DENND2D: variants seen among roughly 807,000 people sequenced by gnomAD.
The protein encoded by DENND2D is DENN domain-containing protein 2D.
DENND2D carries 37 observed loss-of-function variants against 59.8 expected under a neutral mutation model. The ratio of observed to expected loss-of-function variants is 0.62; its 90% CI spans 0.48 to 0.81. The LOEUF is 0.81. Ranked by LOEUF, DENND2D falls within the 40% of genes least tolerant of loss-of-function variation. The pLI, the probability that DENND2D is intolerant of heterozygous loss-of-function variation, is 0.00. For missense variants in DENND2D, 525 were observed against 579.7 expected, an observed-to-expected ratio of 0.91 and a Z score of 0.97; for synonymous variants, 219 against 211.3, an observed-to-expected ratio of 1.04 and a Z score of -0.31.
intron 2 of DENND2D, among the ~76,000 whole-genome samples, 184 bp from the exon 3 acceptor site, chr1:111,198,926 T>A (rs2101500130): frequency 6.6e-6 from 1 of 152,312 alleles, no homozygotes; most frequent in Non-Finnish European, 1.5e-5. Flanking sequence ...TGGGTCCAGT[T>A]GGAACAACTC....
At chr1:111,200,362 A>C in intron 1 of DENND2D, 31 bp downstream of exon 1, 4 of 1,604,696 alleles carry the variant, frequency 2.5e-6, no homozygotes, top group Non-Finnish European at 3.4e-6. Flanking sequence ...GGTCACCCTA[A>C]AAACAAGGAA....
At chr1:111,203,748 C>A (rs1659029662), upstream of DENND2D, among the ~76,000 whole-genome samples, 1 of 152,186 alleles carries the variant, frequency 6.6e-6, no homozygotes. Context: ...CTGGAGGCCA[C>A]ACTCTGAAGG....
rs1242605997 is a variant in DENND2D at position 111,192,150 on chromosome 1, G to C, written c.962C>G (p.Pro321Arg). 6.2e-7 allele frequency: 1 copy of C among 1,605,726 alleles called. No homozygotes were observed. The highest frequency in any genetic ancestry group is 1.7e-5 in the Admixed American group (1 of 59,488). The change falls in exon 8 of 12, where the codon CCT becomes CGT. Residue 321 changes from proline (P) to arginine (R), a missense_variant. By Grantham distance (103) the Pro-to-Arg change is moderately radical (BLOSUM62 -2). Around this residue, in one of 3 missense-constraint regions of DENND2D, gnomAD observed 225 missense variants for 252.4 expected, o/e 0.89. Transcript: ENST00000357640. ...CTTGCCACATCATACCTCTTCCATAGGGCTGTCCATGACCTCCTGCTGGAA... is the reference window on the plus strand; with the variant it reads ...CTTGCCACATCATACCTCTTCCATACGGCTGTCCATGACCTCCTGCTGGAA... ...MRFQQEVMDS[P>R]MEEVLLVNLC...
chr1:111,198,864 T>C (rs534943659), intron 2 of DENND2D, 122 bp from the exon 3 acceptor site: 8 of 927,920 alleles, frequency 8.6e-6, no homozygotes, highest in African/African-American at 1.6e-5. Context: ...GCTTCTCCAC[T>C]AGCATAGGGG....
chr1:111,188,730 A>G lies in DENND2D; in HGVS notation c.1071T>C (p.Ser357=). Residue 357 remains serine, a synonymous_variant, in exon 10 of 12, where the codon TCT becomes TCC. Transcript: ENST00000357640. ...TTAACTCATTGATCCCCTGACCAAGAGAGTCTAAGATGTCATCCTGAAGCT... is the reference window on the plus strand; with the variant it reads ...TTAACTCATTGATCCCCTGACCAAGGGAGTCTAAGATGTCATCCTGAAGCT... ...PPKLQDDILD[S]LGQGINELKT... 1.2e-6 allele frequency: 2 copies of G among 1,614,144 alleles called. No individual in the cohort carries two copies. Among genetic ancestry groups the G allele is most frequent in the Non-Finnish European group, 1.7e-6 (2 of 1,180,006 alleles).
In DENND2D at chr1:111,197,958, C is replaced by T; in HGVS notation, c.388G>A (p.Asp130Asn). The T allele has an allele frequency of 6.2e-7, 1 of 1,614,094 alleles. No homozygotes were observed. The highest frequency in any genetic ancestry group is 1.7e-5 in the Admixed American group (1 of 60,020). ...CAGTATCCAATCTTTCTGCTCCCAT[C>T]CACATTGGTCAGAACGAAGGAGAAG... ...ETFSFVLTNV[D>N]GSRKIGYCRR... The change falls in exon 4 of 12, where the codon GAT becomes AAT. Residue 130 changes from aspartate (D) to asparagine (N), a missense_variant. Around this residue, in one of 3 missense-constraint regions of DENND2D, gnomAD observed 253 missense variants for 246.4 expected, o/e 1.03. Transcript: ENST00000357640.
intron 7 of DENND2D, among the ~76,000 whole-genome samples, chr1:111,194,194 A>G (rs1201572337): frequency 6.6e-6 from 1 of 152,190 alleles, no homozygotes; most frequent in African/African-American, 2.4e-5. Context: ...GCATCTGGCA[A>G]CCAGTTGACA....
intron 4 of DENND2D, 72 bp downstream of exon 4, chr1:111,197,848 A>G: frequency 6.2e-7 from 1 of 1,605,774 alleles, no homozygotes; most frequent in Non-Finnish European, 8.5e-7. Context: ...TTTGCAGCTC[A>G]GGCTTGAGCA....
At chr1:111,197,823 C>T (rs1255967449) in intron 4 of DENND2D, 97 bp downstream of exon 4, 2 of 1,577,352 alleles carry the variant, frequency 1.3e-6, no homozygotes, top group South Asian at 1.1e-5. Context: ...CCAGTGCTGC[C>T]AATAAGCCCG....
At chr1:111,197,787 G>A (rs528132581) in intron 4 of DENND2D, 133 bp downstream of exon 4, 33 of 1,475,554 alleles carry the variant, frequency 2.2e-5, no homozygotes, top group Non-Finnish European at 2.9e-5. Context: ...CATGGCAGCA[G>A]GTCCTGGGCT....
chr1:111,193,494 C>T (rs557940197), intron 7 of DENND2D, among the ~76,000 whole-genome samples: 2 of 152,310 alleles, frequency 1.3e-5, no homozygotes, highest in African/African-American at 2.4e-5. Flanking sequence ...AAAGATGATG[C>T]CACTCCCTTC....
In DENND2D at chr1:111,186,649, C is replaced by T. The variant is rs1482870020; in HGVS notation, c.*956G>A. ...AAACTCCTTCAGACTCTTAAAATTA[C>T]GATTCTTTTCTCAAAGGGGAAGAAC... On this transcript the variant is annotated 3_prime_UTR_variant, in exon 12 of 12. Transcript: ENST00000357640. Among the ~76,000 whole-genome samples the T allele has an allele frequency of 1.3e-5, 2 of 152,146 alleles. No individual in the cohort carries two copies. Among genetic ancestry groups the T allele is most frequent in the Admixed American group, 1.3e-4 (2 of 15,274 alleles).
upstream of DENND2D, among the ~76,000 whole-genome samples, chr1:111,203,553 C>A (rs1303123720): frequency 6.6e-6 from 1 of 152,250 alleles, no homozygotes; most frequent in Non-Finnish European, 1.5e-5. Context: ...AACCCCAGGG[C>A]TCTGCTAAGA....
rs1658701947 is a variant in DENND2D, at chr1:111,200,521, T to C, written c.-62A>G. The C allele has an allele frequency of 6.4e-7, 1 of 1,556,676 alleles. No individual in the cohort carries two copies. The highest frequency in any genetic ancestry group is 8.7e-7 in the Non-Finnish European group (1 of 1,150,100). ...CCTAACACAGACAGACTGGTGACAG[T>C]AAGCCTGAGAAAGGGGCTGCTTCGG... On this transcript the variant is annotated 5_prime_UTR_variant, in exon 1 of 12. Coordinates refer to ENST00000357640, the MANE Select transcript of DENND2D (RefSeq NM_024901.5).
chr1:111,198,504 A>T, intron 3 of DENND2D, 126 bp downstream of exon 3: 1 of 904,080 alleles, frequency 1.1e-6, no homozygotes, highest in Non-Finnish European at 1.7e-6. Context: ...TTTTCAAACA[A>T]ATCAATTACA....
chr1:111,188,423 C>G, intron 10 of DENND2D, 53 bp from the exon 11 acceptor site: 7 of 1,592,402 alleles, frequency 4.4e-6, no homozygotes, highest in Non-Finnish European at 6.0e-6. Flanking sequence ...TGAAATTACC[C>G]AAACTCACCT....
rs1164581601 is a variant in DENND2D at position 111,200,480 on chromosome 1, G to A, written c.-21C>T. 1.2e-6 allele frequency: 2 copies of A among 1,600,162 alleles called. No homozygotes were observed. Among genetic ancestry groups the A allele is most frequent in the Non-Finnish European group, 1.7e-6 (2 of 1,173,146 alleles). The stretch of plus-strand genomic sequence containing the variant: ...TCCATCTCTGGGCCTTCAGGACAGA[G>A]CGGACTCCCCTCTCCCCTAACACAG... On this transcript the variant is annotated 5_prime_UTR_variant, in exon 1 of 12. Coordinates refer to ENST00000357640, the MANE Select transcript of DENND2D (RefSeq NM_024901.5).
At chr1:111,202,720 C>CACACACACACACAT (rs1325806213), upstream of DENND2D, among the ~76,000 whole-genome samples, 71 of 151,904 alleles carry the variant, frequency 4.7e-4, no homozygotes, top group African/African-American at 1.6e-3. Context: ...CACACACACA[C>CACACACACACACAT]ACACACTCCC....
chr1:111,198,695 G>C lies in DENND2D; in HGVS notation c.291C>G (p.Leu97=), dbSNP rs755153104. Residue 97 remains leucine, a synonymous_variant, in exon 3 of 12, where the codon CTC becomes CTG. Transcript: ENST00000357640. ...RGQQEEEERL[L]KAIPLFCFPD... ...GGAAGCAGAACAAGGGGATAGCTTT[G>C]AGCAGCCGCTCCTCCTCCTCCTGCT... is the stretch of plus-strand genomic sequence containing the variant. 2.5e-6 allele frequency: 4 copies of C among 1,614,046 alleles called. No homozygotes were observed. In the African/African-American group the frequency reaches 4.0e-5, roughly 16 times the overall value.
Sources: allele counts gnomAD v4.1 joint callset (sites outside exome capture counted in the v4.1 genomes callset), GRCh38; gene constraint gnomAD v4.1.1; regional missense constraint gnomAD v4.1.1; transcripts MANE v1.5; gene names NCBI Gene and HGNC (gene_info 2026-07-23, HGNC 2026-07-21).